GLI2: variants seen among roughly 807,000 people sequenced by gnomAD.
GLI2 encodes the protein transcription activator GLI2.
In GLI2, 22 loss-of-function variants were observed where a neutral mutation model predicts 78.9. The observed-to-expected ratio is 0.28, with a 90% confidence interval of 0.20 to 0.40. The LOEUF (loss-of-function observed/expected upper bound fraction) is 0.40. Ranked by LOEUF, GLI2 falls within the 10% of genes least tolerant of loss-of-function variation. GLI2 has a pLI of 1.00. For missense variants in GLI2, 2,097 were observed against 2,213.2 expected, an observed-to-expected ratio of 0.95 and a Z score of 1.05; for synonymous variants, 974 against 963.7, an observed-to-expected ratio of 1.01 and a Z score of -0.20.
At chr2:120,974,256 C>G (rs1472561973) in intron 8 of GLI2, among the ~76,000 whole-genome samples, 1 of 152,096 alleles carries the variant, frequency 6.6e-6, no homozygotes, top group Non-Finnish European at 1.5e-5. Context: ...CCCTGTGCCC[C>G]GACCCCAGGC....
chr2:120,980,176 G>C (rs1457835619), intron 10 of GLI2, among the ~76,000 whole-genome samples: 1 of 152,178 alleles, frequency 6.6e-6, no homozygotes, highest in East Asian at 1.9e-4. Flanking sequence ...GAGTGGAATT[G>C]GTGAGTCGTA....
rs1294431291 is a variant in GLI2 at position 120,992,394 on chromosome 2, A to ATATC, written c.*1721_*1724dup. The ATATC allele has an allele frequency of 6.6e-6, 1 of 152,198 alleles. No homozygotes were observed. The highest frequency in any genetic ancestry group is 2.4e-5 in the African/African-American group (1 of 41,448). 9.4% of individuals were successfully genotyped at this position (152,198 alleles called of 1,614,324 possible). A position where few individuals can be genotyped will look rare whatever the true frequency, so the allele number is the denominator to read the frequency against. On this transcript the variant is annotated 3_prime_UTR_variant, in exon 14 of 14. Coordinates refer to ENST00000361492, the MANE Select transcript of GLI2 (RefSeq NM_001374353.1). ...GTAGGTGAGTCGTCCAGCCAAATTT[A>ATATC]TATCTCCAAAACATTTTTAGCTTTT...
chr2:120,934,370 T>C (rs1392151059), intron 3 of GLI2, among the ~76,000 whole-genome samples: 1 of 152,200 alleles, frequency 6.6e-6, no homozygotes, highest in Non-Finnish European at 1.5e-5. Flanking sequence ...ATCTCAGCCT[T>C]CCTTTCTCCT....
intron 2 of GLI2, among the ~76,000 whole-genome samples, chr2:120,841,557 A>G (rs1686869649): frequency 6.6e-6 from 1 of 152,240 alleles, no homozygotes; most frequent in Non-Finnish European, 1.5e-5. Context: ...GTCAAGAGTG[A>G]TGACTTCTTG....
In GLI2 at chr2:120,797,283, T is replaced by C; in HGVS notation, c.-30-8T>C. ...AGTGTTGGTGAGTGTCTTTGTCTTCTCTTTTAGGATTGCCACCCAGGACGA... is the reference window on the plus strand; with the variant it reads ...AGTGTTGGTGAGTGTCTTTGTCTTCCCTTTTAGGATTGCCACCCAGGACGA... On this transcript the variant is annotated splice_polypyrimidine_tract_variant and splice_region_variant and intron_variant, in intron 1 of 13. Coordinates refer to ENST00000361492, the MANE Select transcript of GLI2 (RefSeq NM_001374353.1). 6.2e-7 allele frequency: 1 copy of C among 1,612,100 alleles called. No homozygotes were observed. The highest frequency in any genetic ancestry group is 1.1e-5 in the South Asian group (1 of 91,006).
intron 6 of GLI2, among the ~76,000 whole-genome samples, chr2:120,969,938 G>C (rs1319771734): frequency 1.3e-5 from 2 of 152,208 alleles, no homozygotes; most frequent in African/African-American, 2.4e-5. Context: ...TATGCAAGTG[G>C]TGTGACAGAG....
intron 3 of GLI2, among the ~76,000 whole-genome samples, chr2:120,945,367 C>T (rs1680658508): frequency 1.3e-5 from 2 of 152,204 alleles, no homozygotes; most frequent in South Asian, 2.1e-4. Context: ...GCTTGTGCCT[C>T]ATGCCCAGAC....
At chr2:120,927,793 G>A (rs1558889247) in intron 3 of GLI2, among the ~76,000 whole-genome samples, 1 of 152,226 alleles carries the variant, frequency 6.6e-6, no homozygotes, top group South Asian at 2.1e-4. Context: ...TCCCATATAA[G>A]TAAGGTGATC....
At chr2:120,987,646 G>A (rs1683041628) in intron 13 of GLI2, among the ~76,000 whole-genome samples, 1 of 152,140 alleles carries the variant, frequency 6.6e-6, no homozygotes, top group Non-Finnish European at 1.5e-5. Context: ...TCCATCTCAG[G>A]GACGCCTAGG....
intron 1 of GLI2, among the ~76,000 whole-genome samples, chr2:120,786,164 G>A (rs535367615): frequency 6.6e-6 from 1 of 152,234 alleles, no homozygotes; most frequent in Non-Finnish European, 1.5e-5. Flanking sequence ...GTCTCAGCGA[G>A]TGTCAGAGCC....
chr2:120,896,323 G>A (rs553919757), intron 2 of GLI2, among the ~76,000 whole-genome samples: 27 of 152,240 alleles, frequency 1.8e-4, no homozygotes, highest in African/African-American at 6.0e-4. Flanking sequence ...GTGGGTAGGC[G>A]AGGGCCATGA....
rs963040597 is a variant in GLI2 at position 120,737,643 on chromosome 2, C to T, written c.-31+1358C>T. Among the ~76,000 whole-genome samples the T allele has an allele frequency of 1.3e-3, 203 of 152,316 alleles. 1 individual carries two copies. Among genetic ancestry groups the T allele is most frequent in the Non-Finnish European group, 2.2e-3 (151 of 68,036 alleles). On this transcript the variant is annotated intron_variant, in intron 1 of 13. Transcript: ENST00000361492. This position sits in a 1 kb window ranked among gnomAD's most constrained non-coding sequence, Gnocchi z 4.3. ...AGCGGTGTCCCGGGCCCCCTCTCCGCCGCTCTTGCCGGGCGTGTGAAGGTT... is the reference window on the plus strand; with the variant it reads ...AGCGGTGTCCCGGGCCCCCTCTCCGTCGCTCTTGCCGGGCGTGTGAAGGTT...
chr2:120,915,229 C>T (rs928025534), intron 2 of GLI2, among the ~76,000 whole-genome samples: 10 of 152,260 alleles, frequency 6.6e-5, no homozygotes, highest in East Asian at 1.9e-4. Flanking sequence ...GGGCAGTGTG[C>T]GTGGGCGGAC....
In GLI2 at chr2:120,771,324, C is replaced by A. The variant is rs113934909; in HGVS notation, c.-30-25967C>A. Among the ~76,000 whole-genome samples the A allele has an allele frequency of 4.1e-3, 621 of 152,328 alleles. 8 individuals carry two copies. The highest frequency in any genetic ancestry group is 0.014 in the African/African-American group (571 of 41,578). On this transcript the variant is annotated intron_variant, in intron 1 of 13. Transcript: ENST00000361492. ...CCCAAGGAATGAGAGCTATGCTGTG[C>A]GATTGGGGCGGACACTTGCCTTGCT...
At position 120,927,464 on chromosome 2, in the gene GLI2, CG is replaced by C. The variant is rs758465401; in HGVS notation, c.254+1del. On this transcript the variant is annotated frameshift_variant and splice_region_variant, in exon 3 of 14. Transcript: ENST00000361492. LOFTEE classifies it high-confidence loss of function. The part of the protein sequence containing the change: ...YEPHSVHGVH[G>X]PPALSGSPVI... ...AGCCTCATTCTGTCCACGGTGTGCA[CG>C]GGTAAGTCCTGCCCTCTGCCTGCTG... 5 of 1,601,918 alleles carry C rather than the reference CG, an allele frequency of 3.1e-6. 1 individual carries two copies. The South Asian group carries it at 4.4e-5, about 14-fold the overall frequency.
chr2:120,865,659 C>T (rs971221036), intron 2 of GLI2, among the ~76,000 whole-genome samples: 2 of 152,190 alleles, frequency 1.3e-5, no homozygotes, highest in Admixed American at 1.3e-4. Flanking sequence ...AACCCCATGG[C>T]CCTATAGAAG....
At chr2:120,959,444 C>T (rs1263189414) in intron 5 of GLI2, among the ~76,000 whole-genome samples, 2 of 152,230 alleles carry the variant, frequency 1.3e-5, no homozygotes, top group Non-Finnish European at 2.9e-5. Flanking sequence ...CCAAGAAAAT[C>T]AGAGTAGTCC....
At chr2:120,748,958 A>G (rs62150665) in intron 1 of GLI2, among the ~76,000 whole-genome samples, 29,763 of 151,918 alleles carry the variant, frequency 0.2, 3,500 homozygotes, top group Non-Finnish European at 0.27. Flanking sequence ...CCATCCATCC[A>G]TCCATCCTTC....
chr2:120,756,600 A>G (rs1432418517), intron 1 of GLI2, among the ~76,000 whole-genome samples: 1 of 152,142 alleles, frequency 6.6e-6, no homozygotes, highest in African/African-American at 2.4e-5. Context: ...CTTAGATTGG[A>G]TAACATAATA....
Sources: allele counts gnomAD v4.1 joint callset (sites outside exome capture counted in the v4.1 genomes callset), GRCh38; gene constraint gnomAD v4.1.1; non-coding constraint Gnocchi (gnomAD v3.1); transcripts MANE v1.5; gene names NCBI Gene and HGNC (gene_info 2026-07-23, HGNC 2026-07-21).